Variants in DIP2B observed in about 807,000 individuals in gnomAD.
DIP2B encodes DIP2 acetate--CoA ligase B (putative).
DIP2B carries 76 observed loss-of-function variants against 198.0 expected under a neutral mutation model. The observed-to-expected ratio is 0.38, with a 90% CI of 0.32 to 0.46. The LOEUF is 0.46. Ranked by LOEUF, DIP2B falls within the 20% of genes least tolerant of loss-of-function variation. The probability of loss-of-function intolerance (pLI) is 0.99; values close to 1 mark genes in which losing one functional copy is unlikely to be tolerated. For synonymous variants in DIP2B, 701 were observed against 739.1 expected (o/e 0.95, Z 0.84); for missense variants, 1,559 against 1,978.4 (o/e 0.79, Z 4.02).
chr12:50,619,687 A>G (rs1195975136), intron 1 of DIP2B, among the ~76,000 whole-genome samples: 3 of 152,184 alleles, frequency 2.0e-5, no homozygotes, highest in African/African-American at 7.2e-5. Context: ...GTTATTTTCC[A>G]TAGCCCAGAC....
chr12:50,624,447 C>T (rs1202044326), intron 1 of DIP2B, among the ~76,000 whole-genome samples: 3 of 152,190 alleles, frequency 2.0e-5, no homozygotes, highest in Non-Finnish European at 4.4e-5. Flanking sequence ...ATTCTCCTGC[C>T]TCAGTCTCCT....
intron 1 of DIP2B, among the ~76,000 whole-genome samples, chr12:50,542,798 A>G (rs930219901): frequency 6.6e-6 from 1 of 152,214 alleles, no homozygotes; most frequent in Non-Finnish European, 1.5e-5. Context: ...GCCAAAGAAT[A>G]TGACACAATA....
At chr12:50,580,538 CTT>C (rs35098719) in intron 1 of DIP2B, among the ~76,000 whole-genome samples, 1 of 127,194 alleles carries the variant, frequency 7.9e-6, no homozygotes. Flanking sequence ...TTTCTTTTTC[CTT>C]TTTTTTTTTT....
Position 50,745,586 on chromosome 12 carries a change from G to A in DIP2B, c.*747G>A, listed in dbSNP as rs1451093418. 2 of 152,478 alleles carry A rather than the reference G, an allele frequency of 1.3e-5. No individual in the cohort carries two copies. Among genetic ancestry groups the A allele is most frequent in the Non-Finnish European group, 1.5e-5 (1 of 68,026 alleles). The allele number at this position is 152,478 out of a possible 1,614,324, so 9.4% of individuals were successfully genotyped here. A position where few individuals can be genotyped will look rare whatever the true frequency, so the allele number is the denominator to read the frequency against. On this transcript the variant is annotated 3_prime_UTR_variant, in exon 38 of 38. Coordinates refer to ENST00000301180, the MANE Select transcript of DIP2B (RefSeq NM_173602.3). ...TGCACATTGTTCTATGTCTTTGTTGGCTGGTGTATTTTATAAACTAAAGCT... is the reference window on the plus strand; with the variant it reads ...TGCACATTGTTCTATGTCTTTGTTGACTGGTGTATTTTATAAACTAAAGCT...
At chr12:50,606,014 T>C (rs1250334707) in intron 1 of DIP2B, among the ~76,000 whole-genome samples, 1 of 151,214 alleles carries the variant, frequency 6.6e-6, no homozygotes, top group African/African-American at 2.4e-5. Context: ...GTAGAGACAT[T>C]GTTTCGCCAT....
At chr12:50,611,518 G>T (rs1193624401) in intron 1 of DIP2B, among the ~76,000 whole-genome samples, 1 of 152,144 alleles carries the variant, frequency 6.6e-6, no homozygotes, top group Non-Finnish European at 1.5e-5. Context: ...CCACCAGCTA[G>T]TTATTTAAAA....
At chr12:50,618,642 G>C (rs1937747039) in intron 1 of DIP2B, among the ~76,000 whole-genome samples, 1 of 152,160 alleles carries the variant, frequency 6.6e-6, no homozygotes, top group Non-Finnish European at 1.5e-5. Context: ...TTCAAATCCT[G>C]ATCACAGCAC....
intron 3 of DIP2B, among the ~76,000 whole-genome samples, chr12:50,652,322 A>G (rs1938469442): frequency 7.6e-6 from 1 of 131,780 alleles, no homozygotes; most frequent in Admixed American, 8.6e-5. Context: ...AAATATATAT[A>G]TTATATATAT....
At chr12:50,714,696 T>G (rs764965260) in intron 23 of DIP2B, 100 bp downstream of exon 23, 7 of 1,439,274 alleles carry the variant, frequency 4.9e-6, no homozygotes, top group Non-Finnish European at 6.6e-6. Context: ...TACAAAGACT[T>G]TGGGAGGCCA....
At chr12:50,659,838 C>T (rs1035502477) in intron 3 of DIP2B, among the ~76,000 whole-genome samples, 8 of 152,090 alleles carry the variant, frequency 5.3e-5, no homozygotes, top group African/African-American at 1.9e-4. Flanking sequence ...ACCTGCACAG[C>T]GCTCATTCCA....
intron 1 of DIP2B, among the ~76,000 whole-genome samples, chr12:50,517,490 C>G (rs1042723091): frequency 5.3e-5 from 8 of 152,136 alleles, no homozygotes; most frequent in African/African-American, 1.9e-4. Context: ...AGTCTCCTAA[C>G]TCATCAGCCT....
intron 1 of DIP2B, among the ~76,000 whole-genome samples, chr12:50,511,676 G>A (rs976571301): frequency 2.0e-5 from 3 of 151,446 alleles, no homozygotes; most frequent in African/African-American, 7.3e-5. Flanking sequence ...GAGGCCAGGC[G>A]CAGTGGCTCA....
At chr12:50,588,365 G>T (rs1026964062) in intron 1 of DIP2B, among the ~76,000 whole-genome samples, 3 of 151,984 alleles carry the variant, frequency 2.0e-5, no homozygotes, top group African/African-American at 7.3e-5. Flanking sequence ...GGCCAGGCTG[G>T]TCTTGAACTC....
At chr12:50,739,678 C>T in intron 36 of DIP2B, 92 bp downstream of exon 36, 1 of 1,463,116 alleles carries the variant, frequency 6.8e-7, no homozygotes, top group Non-Finnish European at 9.4e-7. Flanking sequence ...TGGAGTGTGT[C>T]TATTTAGTTA....
chr12:50,688,850 G>A (rs1393127913), intron 12 of DIP2B, among the ~76,000 whole-genome samples: 5 of 152,102 alleles, frequency 3.3e-5, no homozygotes, highest in Non-Finnish European at 7.4e-5. Flanking sequence ...TCTCCGAAAG[G>A]TGGAGGGTCC....
intron 1 of DIP2B, among the ~76,000 whole-genome samples, chr12:50,577,675 A>G (rs1289797399): frequency 1.3e-5 from 2 of 151,752 alleles, no homozygotes; most frequent in Non-Finnish European, 2.9e-5. Context: ...AATAATAGGT[A>G]GAAAAGCAGT....
At chr12:50,617,666 G>T (rs546113196) in intron 1 of DIP2B, among the ~76,000 whole-genome samples, 1 of 152,010 alleles carries the variant, frequency 6.6e-6, no homozygotes, top group African/African-American at 2.4e-5. Context: ...AAAATTACCC[G>T]GCAGTGGTGG....
At chr12:50,650,990 T>C (rs1289090008) in intron 3 of DIP2B, among the ~76,000 whole-genome samples, 2 of 152,202 alleles carry the variant, frequency 1.3e-5, no homozygotes, top group African/African-American at 2.4e-5. Flanking sequence ...TTTTTTGATA[T>C]AGAAAAAAAA....
At position 50,704,183 on chromosome 12, in the gene DIP2B, C is replaced by T; in HGVS notation, c.2369C>T (p.Pro790Leu). 1.2e-6 allele frequency: 2 copies of T among 1,611,302 alleles called. No homozygotes were observed. Among genetic ancestry groups the T allele is most frequent in the Non-Finnish European group, 1.7e-6 (2 of 1,179,558 alleles). Residue 790 changes from proline to leucine, a missense_variant, in exon 20 of 38, where the codon CCA becomes CTA. Pro to Leu is a moderately conservative substitution (Grantham distance 98). Transcript: ENST00000301180. ...GCAGGCTCTCCTGTTGGGGATGTGC[C>T]ATTCATCCGATCAGGATTGCTGGGG... is the stretch of plus-strand genomic sequence containing the variant. The part of the protein sequence containing the change: ...NSAGSPVGDV[P>L]FIRSGLLGFV...
Sources: allele counts gnomAD v4.1 joint callset (sites outside exome capture counted in the v4.1 genomes callset), GRCh38; gene constraint gnomAD v4.1.1; transcripts MANE v1.5; gene names NCBI Gene and HGNC (gene_info 2026-07-23, HGNC 2026-07-21).